STIM1: variants seen among roughly 807,000 people sequenced by gnomAD.
The protein encoded by STIM1 is stromal interaction molecule 1.
In STIM1, 25 loss-of-function variants were observed where a neutral mutation model predicts 74.7. The observed-to-expected ratio is 0.33, with a 90% CI of 0.24 to 0.47. STIM1 has a LOEUF of 0.47. STIM1 is among the 20% of genes least tolerant of loss of function. The pLI, the probability that STIM1 is intolerant of heterozygous loss-of-function variation, is 1.00. For synonymous variants in STIM1, 328 were observed against 348.8 expected (o/e 0.94, Z 0.66); for missense variants, 728 against 920.8 (o/e 0.79, Z 2.71).
chr11:3,870,761 G>A (rs1025950590), intron 1 of STIM1, among the ~76,000 whole-genome samples: 1 of 151,590 alleles, frequency 6.6e-6, no homozygotes, highest in African/African-American at 2.4e-5. Context: ...GCCTCCCAAA[G>A]TGCTGGGATT....
At chr11:4,076,018 T>A (rs1409700568) in intron 7 of STIM1, among the ~76,000 whole-genome samples, 1 of 152,176 alleles carries the variant, frequency 6.6e-6, no homozygotes, top group Non-Finnish European at 1.5e-5. Context: ...TCTGTCTTTT[T>A]CTTATTGATT....
chr11:3,905,630 A>G (rs1265324933), intron 1 of STIM1, among the ~76,000 whole-genome samples: 1 of 152,192 alleles, frequency 6.6e-6, no homozygotes, highest in African/African-American at 2.4e-5. Context: ...GCATTTTTCT[A>G]GATACATTAG....
intron 12 of STIM1, chr11:4,088,803 G>T (rs2094507629): frequency 6.7e-7 from 1 of 1,484,110 alleles, no homozygotes; most frequent in East Asian, 2.5e-5. Flanking sequence ...TGGCCTGATT[G>T]TTCTCAGTGA....
At chr11:4,019,511 A>G (rs1396770519) in intron 2 of STIM1, among the ~76,000 whole-genome samples, 2 of 151,894 alleles carry the variant, frequency 1.3e-5, no homozygotes, top group Admixed American at 1.3e-4. Flanking sequence ...CCGTGTGTAC[A>G]AAAAATTTAA....
intron 3 of STIM1, among the ~76,000 whole-genome samples, chr11:4,039,793 T>C (rs2094134308): frequency 1.3e-5 from 2 of 151,832 alleles, no homozygotes. Flanking sequence ...TTTTTGATGG[T>C]GTCTCACTCT....
At chr11:3,924,141 T>A (rs189932059) in intron 1 of STIM1, among the ~76,000 whole-genome samples, 4 of 151,974 alleles carry the variant, frequency 2.6e-5, no homozygotes, top group Admixed American at 6.6e-5. Context: ...AAAATTATTT[T>A]TTTTTTTCTG....
At chr11:3,949,840 A>C (rs888312080) in intron 1 of STIM1, among the ~76,000 whole-genome samples, 1 of 152,162 alleles carries the variant, frequency 6.6e-6, no homozygotes, top group Admixed American at 6.5e-5. Context: ...AAATCCACCA[A>C]TCTTGTTCAG....
At chr11:4,006,437 C>G (rs73429638) in intron 2 of STIM1, among the ~76,000 whole-genome samples, 3 of 152,192 alleles carry the variant, frequency 2.0e-5, no homozygotes, top group Admixed American at 6.5e-5. Context: ...TTTTCTTTGG[C>G]GGAGTCTCAT....
Position 4,009,093 on chromosome 11 carries a change from C to G in STIM1, c.271-14780C>G, listed in dbSNP as rs577029614. On this transcript the variant is annotated intron_variant, in intron 2 of 12. Transcript: ENST00000526596. ...GATCACGAGGTCAGGAGATCGAGAC[C>G]ATTCTGGCTAACACAGTGAAACCGC... 1.4e-4 allele frequency among the ~76,000 whole-genome samples: 19 copies of G among 136,082 alleles called. No individual in the cohort carries two copies. The South Asian group carries it at 4.5e-3, about 32-fold the overall frequency. The allele number at this position is 136,082 out of a possible 152,430, so 89.3% of individuals were successfully genotyped here.
chr11:4,011,879 C>A (rs1042623733), intron 2 of STIM1, among the ~76,000 whole-genome samples: 13 of 152,130 alleles, frequency 8.5e-5, no homozygotes, highest in Admixed American at 8.5e-4. Flanking sequence ...AGTCTTTAAT[C>A]CATCTCTAGT....
chr11:4,048,462 A>T (rs1474609767), intron 3 of STIM1, among the ~76,000 whole-genome samples: 1 of 152,086 alleles, frequency 6.6e-6, no homozygotes, highest in Non-Finnish European at 1.5e-5. Flanking sequence ...TTTGCTGAAA[A>T]TCAGTTGCTT....
Position 4,091,971 on chromosome 11 carries a change from T to G in STIM1, c.*173T>G, listed in dbSNP as rs200980488. 1.1e-6 allele frequency: 1 copy of G among 893,942 alleles called. No individual in the cohort carries two copies. Among genetic ancestry groups the G allele is most frequent in the Non-Finnish European group, 1.7e-6 (1 of 582,612 alleles). The allele number at this position is 893,942 out of a possible 1,614,324, so 55.4% of individuals were successfully genotyped here. On this transcript the variant is annotated 3_prime_UTR_variant, in exon 13 of 13. Coordinates refer to ENST00000526596, the MANE Select transcript of STIM1 (RefSeq NM_001382567.1). Reference sequence around the variant, plus strand: ...CTCATCCTTGGGTCCTTCATTATTATTTATTAACTGACCACCATGGCCTGC... The same window carrying G: ...CTCATCCTTGGGTCCTTCATTATTAGTTATTAACTGACCACCATGGCCTGC...
intron 2 of STIM1, among the ~76,000 whole-genome samples, chr11:4,012,207 A>C (rs1047834034): frequency 1.3e-5 from 2 of 151,842 alleles, no homozygotes; most frequent in African/African-American, 4.8e-5. Flanking sequence ...GGCTATGCGG[A>C]CTCTTTTTTG....
intron 1 of STIM1, among the ~76,000 whole-genome samples, chr11:3,893,521 C>G (rs1402453860): frequency 6.6e-6 from 1 of 152,150 alleles, no homozygotes; most frequent in Non-Finnish European, 1.5e-5. Context: ...AGTACACAGC[C>G]AAAATAACCA....
intron 2 of STIM1, among the ~76,000 whole-genome samples, chr11:4,010,932 T>A (rs1011247273): frequency 6.6e-6 from 1 of 152,122 alleles, no homozygotes; most frequent in African/African-American, 2.4e-5. Context: ...TATGTTCTCA[T>A]TGTTCAACTC....
chr11:3,892,098 AT>A (rs1159659797), intron 1 of STIM1, among the ~76,000 whole-genome samples: 1 of 152,088 alleles, frequency 6.6e-6, no homozygotes, highest in African/African-American at 2.4e-5. Flanking sequence ...TCTCTTCTTG[AT>A]TTTCTAGCAG....
At chr11:3,967,818 A>C (rs1310730626) in intron 2 of STIM1, 136 bp downstream of exon 2, 4 of 1,306,444 alleles carry the variant, frequency 3.1e-6, no homozygotes, top group Admixed American at 1.9e-5. Flanking sequence ...CCTATCAGGG[A>C]AGATGGCTCC....
intron 1 of STIM1, among the ~76,000 whole-genome samples, chr11:3,912,868 A>C (rs1302889696): frequency 2.0e-5 from 3 of 152,218 alleles, no homozygotes; most frequent in Admixed American, 6.5e-5. Flanking sequence ...GTGAGGATCC[A>C]AGTGGAAATC....
intron 3 of STIM1, among the ~76,000 whole-genome samples, chr11:4,027,231 C>A (rs2136032817): frequency 6.6e-6 from 1 of 152,270 alleles, no homozygotes; most frequent in East Asian, 1.9e-4. Flanking sequence ...ACTGGTAAAG[C>A]AGGGTTGAAG....
Sources: gnomAD v4.1 joint callset for allele counts (sites outside exome capture counted in the v4.1 genomes callset) on GRCh38, gnomAD v4.1.1 for gene constraint, MANE v1.5 for transcripts, NCBI Gene and HGNC (gene_info 2026-07-23, HGNC 2026-07-21) for gene names.